EXOC4: variants seen among roughly 807,000 people sequenced by gnomAD.
The protein encoded by EXOC4 is exocyst complex component 4.
Under a neutral mutation model 107.2 loss-of-function variants are expected in EXOC4, and 71 were observed. The ratio of observed to expected loss-of-function variants is 0.66; its 90% confidence interval spans 0.55 to 0.81. The LOEUF is 0.81. Ranked by LOEUF, EXOC4 falls within the 30% of genes least tolerant of loss-of-function variation. The pLI, the probability that EXOC4 is intolerant of heterozygous loss-of-function variation, is 0.00. For synonymous variants in EXOC4, 456 were observed against 441.2 expected, an observed-to-expected ratio of 1.03 and a Z score of -0.42; for missense variants, 1,108 against 1,189.6, an observed-to-expected ratio of 0.93 and a Z score of 1.01.
chr7:133,742,082 CT>C (rs1795577299), intron 10 of EXOC4, among the ~76,000 whole-genome samples: 1 of 152,188 alleles, frequency 6.6e-6, no homozygotes, highest in Non-Finnish European at 1.5e-5. Flanking sequence ...TCTGCGGCTG[CT>C]TCTACTGCTC....
intron 9 of EXOC4, among the ~76,000 whole-genome samples, chr7:133,491,635 T>A (rs535277286): frequency 3.9e-5 from 6 of 152,182 alleles, no homozygotes; most frequent in Non-Finnish European, 8.8e-5. Flanking sequence ...CCAACTATAT[T>A]CTGGGGCCTG....
intron 5 of EXOC4, among the ~76,000 whole-genome samples, chr7:133,343,972 G>A (rs574701566): frequency 3.0e-4 from 46 of 151,798 alleles, no homozygotes; most frequent in African/African-American, 1.1e-3. Flanking sequence ...ACCACATTTG[G>A]CCAACTTTTT....
rs145909105 is a variant in EXOC4, at chr7:134,049,978, A to G, written c.2688-14313A>G. Among the ~76,000 whole-genome samples the G allele has an allele frequency of 8.5e-5, 13 of 152,346 alleles. No individual in the cohort carries two copies. The East Asian group carries it at 2.3e-3, about 27-fold the overall frequency. On this transcript the variant is annotated intron_variant, in intron 17 of 17. Transcript: ENST00000253861. The stretch of plus-strand genomic sequence containing the variant: ...ACAATTGAGTACTCTGCCACCATTA[A>G]GAAGAATGAGGCAGGTTGATATGAA...
At chr7:133,479,993 G>C in intron 8 of EXOC4, 57 bp from the exon 9 acceptor site, 1 of 1,341,742 alleles carries the variant, frequency 7.5e-7, no homozygotes, top group East Asian at 2.3e-5. Context: ...ATACAGAGCT[G>C]GTCAGCACTT....
chr7:133,265,363 G>T (rs1793701685), intron 1 of EXOC4, among the ~76,000 whole-genome samples: 1 of 151,306 alleles, frequency 6.6e-6, no homozygotes, highest in African/African-American at 2.4e-5. Flanking sequence ...CCAAGATCGC[G>T]CCACTGCACT....
At chr7:133,768,169 T>C (rs956974120) in intron 10 of EXOC4, 1 of 151,912 alleles carries the variant, frequency 6.6e-6, no homozygotes, top group African/African-American at 2.4e-5. Context: ...ACAACAAACA[T>C]ATTGCTTATC....
chr7:133,688,979 C>G (rs941786334), intron 10 of EXOC4, among the ~76,000 whole-genome samples: 1 of 152,136 alleles, frequency 6.6e-6, no homozygotes, highest in Non-Finnish European at 1.5e-5. Context: ...TGGCCCAGTC[C>G]TCATTCCCTT....
At position 133,969,778 on chromosome 7, in the gene EXOC4, C is replaced by T. The variant is rs181760431; in HGVS notation, c.2207-27714C>T. Among the ~76,000 whole-genome samples, 28 of 152,284 alleles carry T rather than the reference C, an allele frequency of 1.8e-4. 3 individuals are homozygous for T. The East Asian group carries it at 5.4e-3, about 30-fold the overall frequency. On this transcript the variant is annotated intron_variant, in intron 14 of 17. Transcript: ENST00000253861. ...CTCCTGTATGAGGTGTCTGTCGACC[C>T]CTGCTGGGAGGTATCTCCCAGTCAG...
intron 11 of EXOC4, among the ~76,000 whole-genome samples, chr7:133,864,912 A>C (rs1029169049): frequency 6.6e-6 from 1 of 152,106 alleles, no homozygotes; most frequent in Non-Finnish European, 1.5e-5. Context: ...TGGGATAGGG[A>C]TGTTATCTTA....
At position 133,501,887 on chromosome 7, in the gene EXOC4, G is replaced by C. The variant is rs376962196; in HGVS notation, c.1417+21749G>C. On this transcript the variant is annotated intron_variant, in intron 9 of 17. Transcript: ENST00000253861. ...TAAGCCCACTTATTATTTCCTCTGCGTGTGTTTTTTCTGGTTTAGCGGATT... is the reference window on the plus strand; with the variant it reads ...TAAGCCCACTTATTATTTCCTCTGCCTGTGTTTTTTCTGGTTTAGCGGATT... 7.9e-5 allele frequency among the ~76,000 whole-genome samples: 12 copies of C among 152,234 alleles called. No homozygotes were observed. In the East Asian group the frequency reaches 1.3e-3, roughly 17 times the overall value.
chr7:133,985,745 TCAA>T (rs1794098517), intron 14 of EXOC4, among the ~76,000 whole-genome samples: 1 of 152,212 alleles, frequency 6.6e-6, no homozygotes. Flanking sequence ...TTGTCTGACT[TCAA>T]CACCTCCATA....
chr7:133,847,382 A>G (rs1452978866), intron 11 of EXOC4, among the ~76,000 whole-genome samples: 3 of 53,084 alleles, frequency 5.7e-5, no homozygotes, highest in Non-Finnish European at 9.3e-5. Flanking sequence ...TATTTTTTTA[A>G]TTTTTTTTTT....
intron 7 of EXOC4, among the ~76,000 whole-genome samples, chr7:133,398,983 A>G (rs763887330): frequency 2.0e-5 from 3 of 152,232 alleles, no homozygotes; most frequent in Non-Finnish European, 4.4e-5. Context: ...TAGAATTTGT[A>G]TACCATTTAC....
At chr7:134,081,159 G>A in the EXOC4 span, among the ~76,000 whole-genome samples, 9 of 152,058 alleles carry the variant, frequency 5.9e-5, no homozygotes, top group Admixed American at 1.3e-4. Flanking sequence ...CCTGGCCAAC[G>A]TGGCACAACC....
chr7:134,072,989 G>C, the EXOC4 span, among the ~76,000 whole-genome samples: 205 of 151,744 alleles, frequency 1.4e-3, no homozygotes, highest in African/African-American at 4.9e-3. Flanking sequence ...TGGATCACTT[G>C]AGGTCAGGAG....
intron 7 of EXOC4, among the ~76,000 whole-genome samples, chr7:133,397,429 C>T (rs185790448): frequency 7.2e-5 from 11 of 152,052 alleles, no homozygotes; most frequent in East Asian, 5.8e-4. Context: ...CCACTGCGCC[C>T]GGCTCATTTG....
chr7:133,759,704 C>T (rs1407849123), intron 10 of EXOC4, among the ~76,000 whole-genome samples: 1 of 152,146 alleles, frequency 6.6e-6, no homozygotes, highest in East Asian at 1.9e-4. Flanking sequence ...TCCTCTATGA[C>T]AGCAAACTGA....
chr7:133,556,341 A>G (rs1010063533), intron 9 of EXOC4, among the ~76,000 whole-genome samples: 3 of 152,148 alleles, frequency 2.0e-5, no homozygotes, highest in Non-Finnish European at 2.9e-5. Context: ...TGGAATTTCC[A>G]TACATATCTA....
Position 133,606,517 on chromosome 7 carries a change from A to ATTTT in EXOC4, c.1418-23516_1418-23513dup, listed in dbSNP as rs56086076. Among the ~76,000 whole-genome samples the ATTTT allele has an allele frequency of 2.9e-3, 401 of 136,914 alleles. 3 individuals carry two copies. Among genetic ancestry groups the ATTTT allele is most frequent in the African/African-American group, 0.012 (387 of 33,374 alleles). 89.8% of individuals were successfully genotyped at this position (136,914 alleles called of 152,430 possible). A position where few individuals can be genotyped will look rare whatever the true frequency, so the allele number is the denominator to read the frequency against. On this transcript the variant is annotated intron_variant, in intron 9 of 17. Coordinates refer to ENST00000253861, the MANE Select transcript of EXOC4 (RefSeq NM_021807.4). ...GCTGTTTATTATTATTATTATTATT[A>ATTTT]TTTTTTTTTTTTTTTGAGGTGGAGT...
Sources: gnomAD v4.1 joint callset for allele counts (sites outside exome capture counted in the v4.1 genomes callset) on GRCh38, gnomAD v4.1.1 for gene constraint, MANE v1.5 for transcripts, NCBI Gene and HGNC (gene_info 2026-07-23, HGNC 2026-07-21) for gene names.